Variants in BARX2 observed in about 807,000 individuals in gnomAD.
BARX2 encodes the protein BARX homeobox 2, also known as homeobox protein BarH-like 2.
A neutral mutation model predicts 25.5 loss-of-function variants in BARX2; 11 were observed. The observed-to-expected ratio is 0.43, with a 90% CI of 0.27 to 0.71. The LOEUF (loss-of-function observed/expected upper bound fraction) is 0.71, where lower values mean the gene tolerates loss of function less well. Among genes scored for constraint, BARX2 ranks in the 30% least tolerant of loss-of-function variants. BARX2 has a pLI of 0.19. For missense variants in BARX2, 360 were observed against 359.9 expected, an observed-to-expected ratio of 1.00 and a Z score of 0.00; for synonymous variants, 137 against 149.5, an observed-to-expected ratio of 0.92 and a Z score of 0.61.
chr11:129,435,326 G>T (rs903486065), intron 1 of BARX2, among the ~76,000 whole-genome samples: 5 of 152,174 alleles, frequency 3.3e-5, no homozygotes. Flanking sequence ...TGTGGTTTCT[G>T]CTGGGCCTAG....
intron 1 of BARX2, among the ~76,000 whole-genome samples, chr11:129,411,207 T>C (rs1658691651): frequency 2.6e-5 from 4 of 151,832 alleles, no homozygotes; most frequent in Admixed American, 2.6e-4. Context: ...CCGTCTCTAC[T>C]AAAAATACAA....
At chr11:129,431,259 T>C (rs970554654) in intron 1 of BARX2, among the ~76,000 whole-genome samples, 4 of 152,264 alleles carry the variant, frequency 2.6e-5, no homozygotes, top group African/African-American at 7.2e-5. Context: ...ATAATTCTGC[T>C]ATAAACATCT....
chr11:129,445,406 G>A (rs1037057998), intron 3 of BARX2, among the ~76,000 whole-genome samples: 20 of 152,226 alleles, frequency 1.3e-4, no homozygotes, highest in African/African-American at 4.1e-4. Flanking sequence ...CCCAGTGCCC[G>A]TGGGCCAATG....
At chr11:129,426,211 C>T (rs560410203) in intron 1 of BARX2, among the ~76,000 whole-genome samples, 1 of 152,180 alleles carries the variant, frequency 6.6e-6, no homozygotes, top group African/African-American at 2.4e-5. Flanking sequence ...TATTTCCTCC[C>T]TCCCTCTGTC....
intron 1 of BARX2, among the ~76,000 whole-genome samples, chr11:129,431,976 ATTATT>A (rs1340286526): frequency 9.6e-5 from 14 of 146,482 alleles, no homozygotes; most frequent in Admixed American, 4.8e-4. Flanking sequence ...CAAGGCTCTT[ATTATT>A]TTATTTATTT....
At chr11:129,392,705 G>A (rs1861677903) in intron 1 of BARX2, among the ~76,000 whole-genome samples, 1 of 152,036 alleles carries the variant, frequency 6.6e-6, no homozygotes, top group African/African-American at 2.4e-5. Context: ...TCTCTTTCCT[G>A]GGTGCAAGCA....
At chr11:129,415,423 C>T (rs1565515826) in intron 1 of BARX2, among the ~76,000 whole-genome samples, 1 of 147,996 alleles carries the variant, frequency 6.8e-6, no homozygotes, top group Non-Finnish European at 1.5e-5. Context: ...GATACTCTTA[C>T]AGGACTATTC....
Position 129,451,468 on chromosome 11 carries a change from A to G in BARX2, c.*66A>G. The stretch of plus-strand genomic sequence containing the variant: ...GGAAAAGAGAGAAGGCAGGGAGAGT[A>G]GGGAGAGAAAACCTTCCAGCAGCCC... On this transcript the variant is annotated 3_prime_UTR_variant, in exon 4 of 4. Coordinates refer to ENST00000281437, the MANE Select transcript of BARX2 (RefSeq NM_003658.5). 6.5e-7 allele frequency: 1 copy of G among 1,549,660 alleles called. No individual in the cohort carries two copies. The highest frequency in any genetic ancestry group is 8.7e-7 in the Non-Finnish European group (1 of 1,142,962).
intron 1 of BARX2, among the ~76,000 whole-genome samples, chr11:129,435,738 A>T (rs772133625): frequency 2.6e-5 from 4 of 152,224 alleles, no homozygotes; most frequent in Non-Finnish European, 4.4e-5. Context: ...AGATAAAATG[A>T]TTCACATAGG....
chr11:129,390,553 TG>T lies in BARX2; in HGVS notation c.187+14335del, dbSNP rs1392259431. Among the ~76,000 whole-genome samples, 2 of 151,262 alleles carry T rather than the reference TG, an allele frequency of 1.3e-5. No individual in the cohort carries two copies. The highest frequency in any genetic ancestry group is 6.6e-5 in the Admixed American group (1 of 15,174). On this transcript the variant is annotated intron_variant, in intron 1 of 3. Transcript: ENST00000281437. The surrounding 1 kb of genome is among the most constrained non-coding windows in gnomAD (Gnocchi z 4.3). ...GGAGTGGAAAAGGAATGTTGGCCAA[TG>T]GGGAAGGGAGAGTGAGGGGTAAGGA...
intron 1 of BARX2, among the ~76,000 whole-genome samples, chr11:129,434,421 T>TAAAAA (rs56344103): frequency 1.0e-4 from 8 of 76,366 alleles, no homozygotes; most frequent in East Asian, 5.1e-4. Flanking sequence ...AAAAAGTAAG[T>TAAAAA]AAAAAAAAAA....
chr11:129,428,112 A>G (rs141739759), intron 1 of BARX2, among the ~76,000 whole-genome samples: 2 of 152,376 alleles, frequency 1.3e-5, no homozygotes, highest in African/African-American at 4.8e-5. Flanking sequence ...TTGGTTGAAG[A>G]AAAACAACTA....
chr11:129,416,877 T>G (rs1271481133), intron 1 of BARX2, among the ~76,000 whole-genome samples: 1 of 116,308 alleles, frequency 8.6e-6, no homozygotes, highest in East Asian at 2.8e-4. Flanking sequence ...GTGTCTTTGT[T>G]TTTTTTTTTT....
intron 1 of BARX2, among the ~76,000 whole-genome samples, chr11:129,426,370 GT>G (rs893412103): frequency 1.3e-5 from 2 of 148,306 alleles, no homozygotes; most frequent in Non-Finnish European, 3.0e-5. Context: ...TTCCATGCTG[GT>G]TTTTTTTTGT....
intron 1 of BARX2, among the ~76,000 whole-genome samples, chr11:129,424,317 C>T (rs1053740507): frequency 2.6e-5 from 4 of 152,210 alleles, no homozygotes; most frequent in African/African-American, 9.6e-5. Context: ...AACTGTAAGC[C>T]TCATGTTTTC....
chr11:129,418,268 A>G (rs1052668133), intron 1 of BARX2, among the ~76,000 whole-genome samples: 2 of 152,234 alleles, frequency 1.3e-5, no homozygotes, highest in African/African-American at 4.8e-5. Flanking sequence ...TGGCTCATGG[A>G]AAATGAGAAA....
rs141951787 is a variant in BARX2 at position 129,448,964 on chromosome 11, T to C, written c.574-2172T>C. 6.5e-3 allele frequency among the ~76,000 whole-genome samples: 989 copies of C among 152,312 alleles called. 13 individuals carry two copies. The highest frequency in any genetic ancestry group is 0.023 in the African/African-American group (943 of 41,566). ...CACATATTATATGATTCTGTTTATATAAAATGTCCAAAAATAAGCACATCT... is the reference window on the plus strand; with the variant it reads ...CACATATTATATGATTCTGTTTATACAAAATGTCCAAAAATAAGCACATCT... On this transcript the variant is annotated intron_variant, in intron 3 of 3. Transcript: ENST00000281437.
At chr11:129,403,749 C>T (rs1196693569) in intron 1 of BARX2, among the ~76,000 whole-genome samples, 2 of 152,152 alleles carry the variant, frequency 1.3e-5, no homozygotes, top group Admixed American at 6.5e-5. Context: ...GAGACAGGAT[C>T]TCATTCTGTT....
At chr11:129,434,421 TAAAAAAAA>T (rs56344103) in intron 1 of BARX2, among the ~76,000 whole-genome samples, 1 of 76,378 alleles carries the variant, frequency 1.3e-5, no homozygotes, top group East Asian at 5.1e-4. Context: ...AAAAAGTAAG[TAAAAAAAA>T]AAAAAAAAAA....
Sources: allele counts gnomAD v4.1 joint callset (sites outside exome capture counted in the v4.1 genomes callset), GRCh38; gene constraint gnomAD v4.1.1; non-coding constraint Gnocchi (gnomAD v3.1); transcripts MANE v1.5; gene names NCBI Gene and HGNC (gene_info 2026-07-23, HGNC 2026-07-21).